SCAI: variants seen among roughly 807,000 people sequenced by gnomAD.
SCAI encodes the protein protein SCAI.
In SCAI, 24 loss-of-function variants were observed where a neutral mutation model predicts 92.2. The observed-to-expected ratio is 0.26, with a 90% CI of 0.19 to 0.37. The LOEUF is 0.37. Ranked by LOEUF, SCAI falls within the 10% of genes least tolerant of loss-of-function variation. The probability of loss-of-function intolerance (pLI) is 1.00; values close to 1 mark genes in which losing one functional copy is unlikely to be tolerated. For synonymous variants in SCAI, 261 were observed against 258.6 expected (o/e 1.01, Z -0.09); for missense variants, 450 against 736.2 (o/e 0.61, Z 4.50).
At chr9:125,071,527 A>C (rs917519616) in intron 2 of SCAI, among the ~76,000 whole-genome samples, 1 of 152,216 alleles carries the variant, frequency 6.6e-6, no homozygotes, top group African/African-American at 2.4e-5. Flanking sequence ...AAGGAAGCCA[A>C]AGGAGTTTTG....
chr9:125,119,636 C>G (rs1254026467), intron 2 of SCAI, among the ~76,000 whole-genome samples: 1 of 152,182 alleles, frequency 6.6e-6, no homozygotes, highest in African/African-American at 2.4e-5. Context: ...GAATGCTAAT[C>G]CAGTTATCCC....
At chr9:125,082,729 T>C (rs1332156764) in intron 2 of SCAI, among the ~76,000 whole-genome samples, 1 of 152,250 alleles carries the variant, frequency 6.6e-6, no homozygotes, top group African/African-American at 2.4e-5. Context: ...AAGATTTGAC[T>C]GCCCTGCTGG....
intron 3 of SCAI, among the ~76,000 whole-genome samples, chr9:125,029,986 G>T (rs1833039668): frequency 6.6e-6 from 1 of 152,094 alleles, no homozygotes; most frequent in Admixed American, 6.6e-5. Context: ...TCTCCCATGA[G>T]GTTTCTGGTC....
At chr9:125,120,704 C>T (rs1835140136) in intron 2 of SCAI, among the ~76,000 whole-genome samples, 1 of 151,566 alleles carries the variant, frequency 6.6e-6, no homozygotes. Flanking sequence ...AACAAACAAA[C>T]AAATAAATAA....
chr9:125,125,909 TACACACACACACACACAC>T lies in SCAI; in HGVS notation c.98+16706_98+16723del, dbSNP rs10554292. On this transcript the variant is annotated intron_variant, in intron 2 of 17. Transcript: ENST00000336505. Reference sequence around the variant, plus strand: ...TCTCTCATGCATGCGTGCGTACACGTACACACACACACACACACACACACACACACACACACACACATT... The same window carrying T: ...TCTCTCATGCATGCGTGCGTACACGTACACACACACACACACACACACATT... Among the ~76,000 whole-genome samples, 12 of 137,998 alleles carry T rather than the reference TACACACACACACACACAC, an allele frequency of 8.7e-5. No individual in the cohort carries two copies. The South Asian group carries it at 2.5e-3, about 28-fold the overall frequency. 90.5% of individuals were successfully genotyped at this position (137,998 alleles called of 152,430 possible). A position where few individuals can be genotyped will look rare whatever the true frequency, so the allele number is the denominator to read the frequency against.
At chr9:125,094,811 T>C (rs1217224629) in intron 2 of SCAI, among the ~76,000 whole-genome samples, 1 of 152,148 alleles carries the variant, frequency 6.6e-6, no homozygotes, top group Non-Finnish European at 1.5e-5. Context: ...CAAAATTTAT[T>C]TATTATCTAT....
chr9:124,960,832 TTAG>T (rs1309411503), intron 17 of SCAI, among the ~76,000 whole-genome samples: 2 of 152,176 alleles, frequency 1.3e-5, no homozygotes, highest in Admixed American at 6.5e-5. Context: ...TAAAAAAGAA[TTAG>T]TAGGTGGGTC....
intron 2 of SCAI, among the ~76,000 whole-genome samples, chr9:125,125,932 AC>A (rs1191198585): frequency 2.6e-4 from 40 of 151,326 alleles, no homozygotes; most frequent in African/African-American, 9.5e-4. Flanking sequence ...ACACACACAC[AC>A]ACACACACAC....
intron 17 of SCAI, among the ~76,000 whole-genome samples, chr9:124,966,284 G>A (rs915346215): frequency 4.3e-5 from 6 of 141,128 alleles, no homozygotes; most frequent in Non-Finnish European, 9.0e-5. Context: ...GTGTCCATGT[G>A]CTCTCATTGT....
intron 14 of SCAI, among the ~76,000 whole-genome samples, chr9:124,982,881 G>C (rs942598157): frequency 1.3e-5 from 2 of 152,056 alleles, no homozygotes; most frequent in African/African-American, 2.4e-5. Flanking sequence ...TTCACTAGCT[G>C]GGTGTGGTGG....
intron 13 of SCAI, among the ~76,000 whole-genome samples, chr9:124,998,734 G>C (rs1221369348): frequency 1.3e-5 from 2 of 151,948 alleles, no homozygotes; most frequent in African/African-American, 4.8e-5. Flanking sequence ...TGATTCTCCT[G>C]CCTCAGCCTC....
chr9:125,018,478 T>C (rs567670960), intron 9 of SCAI, among the ~76,000 whole-genome samples: 41 of 152,302 alleles, frequency 2.7e-4, no homozygotes, highest in African/African-American at 8.7e-4. Flanking sequence ...AAAACTTAGA[T>C]AGTTGTAACA....
intron 2 of SCAI, among the ~76,000 whole-genome samples, chr9:125,084,731 G>T (rs1032709097): frequency 3.3e-5 from 5 of 152,120 alleles, no homozygotes; most frequent in African/African-American, 1.2e-4. Flanking sequence ...GTGCTAATGG[G>T]CCTGTCAACT....
intron 2 of SCAI, among the ~76,000 whole-genome samples, chr9:125,056,786 G>C (rs568830022): frequency 2.5e-4 from 38 of 152,226 alleles, no homozygotes; most frequent in African/African-American, 8.7e-4. Context: ...AAATGGTTAG[G>C]AATACTGACC....
chr9:124,981,799 G>C (rs1420548677), intron 14 of SCAI, among the ~76,000 whole-genome samples: 1 of 151,982 alleles, frequency 6.6e-6, no homozygotes, highest in Non-Finnish European at 1.5e-5. Context: ...GCACAGACGT[G>C]GCACCACACT....
chr9:124,954,970 A>T (rs1466995920), intron 17 of SCAI, among the ~76,000 whole-genome samples: 1 of 152,148 alleles, frequency 6.6e-6, no homozygotes, highest in Non-Finnish European at 1.5e-5. Context: ...ATTTAAGACC[A>T]GCCTGGCCAA....
intron 2 of SCAI, among the ~76,000 whole-genome samples, chr9:125,057,446 C>T (rs1487408373): frequency 1.4e-5 from 2 of 146,018 alleles, no homozygotes; most frequent in Non-Finnish European, 2.9e-5. Context: ...AAATGTAACA[C>T]CTAAAATTGA....
intron 3 of SCAI, among the ~76,000 whole-genome samples, chr9:125,041,031 A>G (rs531647933): frequency 2.0e-4 from 30 of 152,344 alleles, no homozygotes; most frequent in African/African-American, 6.7e-4. Context: ...GGTGGAAGTG[A>G]AGAGTGAAAA....
chr9:125,018,557 C>A (rs887438001), intron 9 of SCAI, among the ~76,000 whole-genome samples: 1 of 152,172 alleles, frequency 6.6e-6, no homozygotes, highest in Admixed American at 6.5e-5. Flanking sequence ...AATTCTGCTT[C>A]CTGGCTCCAT....
Sources: allele counts gnomAD v4.1 joint callset (sites outside exome capture counted in the v4.1 genomes callset), GRCh38; gene constraint gnomAD v4.1.1; transcripts MANE v1.5; gene names NCBI Gene and HGNC (gene_info 2026-07-23, HGNC 2026-07-21).